Variants in NBEAL1 observed in about 807,000 individuals in gnomAD.
NBEAL1 encodes the protein neurobeachin-like protein 1.
In NBEAL1, 273 loss-of-function variants were observed where a neutral mutation model predicts 351.3. The ratio of observed to expected loss-of-function variants is 0.78; its 90% confidence interval spans 0.70 to 0.86. The LOEUF (loss-of-function observed/expected upper bound fraction) is 0.86. Ranked by LOEUF, NBEAL1 falls within the 40% of genes least tolerant of loss-of-function variation. NBEAL1 has a pLI of 0.00. For missense variants in NBEAL1, 2,961 were observed against 3,201.3 expected, an observed-to-expected ratio of 0.92 and a Z score of 1.81; for synonymous variants, 1,050 against 1,086.4, an observed-to-expected ratio of 0.97 and a Z score of 0.66.
chr2:203,126,197 CTTGAA>C (rs2062933527), intron 21 of NBEAL1, 104 bp downstream of exon 21: 1 of 1,178,204 alleles, frequency 8.5e-7, no homozygotes, highest in East Asian at 2.7e-5. Flanking sequence ...ATTATTACAA[CTTGAA>C]TTATATTAAT....
intron 11 of NBEAL1, among the ~76,000 whole-genome samples, chr2:203,097,996 T>C (rs2062220440): frequency 6.6e-6 from 1 of 152,194 alleles, no homozygotes; most frequent in African/African-American, 2.4e-5. Flanking sequence ...TGAATATGTA[T>C]GGTCATTGTT....
chr2:203,161,590 C>T (rs1219443531), intron 36 of NBEAL1, among the ~76,000 whole-genome samples: 2 of 151,656 alleles, frequency 1.3e-5, no homozygotes, highest in African/African-American at 4.8e-5. Flanking sequence ...GATCACTCCA[C>T]TGCACTCCAG....
intron 33 of NBEAL1, among the ~76,000 whole-genome samples, chr2:203,146,467 G>A (rs1297662896): frequency 6.6e-6 from 1 of 152,038 alleles, no homozygotes; most frequent in African/African-American, 2.4e-5. Context: ...CAGGAACATA[G>A]CTACAAAACA....
Position 203,209,259 on chromosome 2 carries a change from G to T in NBEAL1, c.7722G>T (p.Leu2574Phe). The T allele has an allele frequency of 6.2e-7, 1 of 1,613,800 alleles. No homozygotes were observed. Among genetic ancestry groups the T allele is most frequent in the Admixed American group, 1.7e-5 (1 of 60,002 alleles). ...ESSLFLTIPN[L>F]AISWEGHIVV... Reference sequence around the variant, plus strand: ...CTCTGTTCCTGACCATTCCTAATTTGGCTATATCTTGGGAAGGACATATTG... The same window carrying T: ...CTCTGTTCCTGACCATTCCTAATTTTGCTATATCTTGGGAAGGACATATTG... The change falls in exon 53 of 56, where the codon TTG becomes TTT. Residue 2574 changes from leucine to phenylalanine, a missense_variant. Coordinates refer to ENST00000683969, the MANE Select transcript of NBEAL1 (RefSeq NM_001378026.1).
chr2:203,083,137 A>G, intron 8 of NBEAL1, 82 bp from the exon 9 acceptor site: 10 of 1,208,278 alleles, frequency 8.3e-6, no homozygotes, highest in South Asian at 1.6e-5. Context: ...GGTTGCCTGC[A>G]GATGTATTAA....
Position 203,015,756 on chromosome 2 carries a change from G to T in NBEAL1, c.-229-400G>T, listed in dbSNP as rs189060273. ...TGGGATTACAGGCGTGAGCCACCGCGCCTGGCCCCAACAACTTTGAAGAGG... is the reference window on the plus strand; with the variant it reads ...TGGGATTACAGGCGTGAGCCACCGCTCCTGGCCCCAACAACTTTGAAGAGG... On this transcript the variant is annotated intron_variant, in intron 1 of 55. Coordinates refer to ENST00000683969, the MANE Select transcript of NBEAL1 (RefSeq NM_001378026.1). The T allele has an allele frequency of 2.4e-3, 362 of 152,858 alleles. 2 individuals are homozygous for T. The highest frequency in any genetic ancestry group is 0.011 in the South Asian group (55 of 4,834). 9.5% of individuals were successfully genotyped at this position (152,858 alleles called of 1,614,324 possible). A position where few individuals can be genotyped will look rare whatever the true frequency, so the allele number is the denominator to read the frequency against.
At chr2:203,133,646 A>G (rs1183397862) in intron 27 of NBEAL1, among the ~76,000 whole-genome samples, 3 of 150,974 alleles carry the variant, frequency 2.0e-5, no homozygotes, top group East Asian at 3.9e-4. Context: ...TGACCTATTT[A>G]ATTTGCTTCC....
At chr2:203,023,467 T>G (rs931166274) in intron 2 of NBEAL1, among the ~76,000 whole-genome samples, 1 of 152,238 alleles carries the variant, frequency 6.6e-6, no homozygotes, top group Non-Finnish European at 1.5e-5. Flanking sequence ...GTTGTTAAGA[T>G]GCATTAACTT....
At chr2:203,068,320 T>C in intron 6 of NBEAL1, 73 bp from the exon 7 acceptor site, 1 of 666,186 alleles carries the variant, frequency 1.5e-6, no homozygotes, top group Non-Finnish European at 2.5e-6. Context: ...ATTTGTTTTA[T>C]AATTGTTTTT....
At chr2:203,145,797 C>CAAAAAAAAAAAAAAAAAAAA (rs56382460) in intron 33 of NBEAL1, among the ~76,000 whole-genome samples, 2 of 86,138 alleles carry the variant, frequency 2.3e-5, no homozygotes, top group African/African-American at 4.5e-5. Context: ...GACTCCATCT[C>CAAAAAAAAAAAAAAAAAAAA]AAAAAAAAAA....
chr2:203,201,470 G>A lies in NBEAL1; in HGVS notation c.7239-73G>A, dbSNP rs570790023. 6.7e-4 allele frequency: 826 copies of A among 1,235,216 alleles called. 2 individuals carry two copies. The highest frequency in any genetic ancestry group is 1.0e-3 in the Middle Eastern group (5 of 4,796). The allele number at this position is 1,235,216 out of a possible 1,614,324, so 76.5% of individuals were successfully genotyped here. A position where few individuals can be genotyped will look rare whatever the true frequency, so the allele number is the denominator to read the frequency against. On this transcript the variant is annotated intron_variant, in intron 49 of 55. Coordinates refer to ENST00000683969, the MANE Select transcript of NBEAL1 (RefSeq NM_001378026.1). ...AATTTTTTATTTCTTTTTTAGAGAGGTTTAAAAAGAATAGTTCACATCAGT... is the reference window on the plus strand; with the variant it reads ...AATTTTTTATTTCTTTTTTAGAGAGATTTAAAAAGAATAGTTCACATCAGT...
chr2:203,042,014 G>A (rs2061150214), intron 3 of NBEAL1, among the ~76,000 whole-genome samples, 158 bp downstream of exon 3: 1 of 152,142 alleles, frequency 6.6e-6, no homozygotes, highest in Non-Finnish European at 1.5e-5. Flanking sequence ...GATGACAATA[G>A]TCTTTCTTGA....
chr2:203,206,812 C>G (rs578112017), intron 51 of NBEAL1, among the ~76,000 whole-genome samples: 1 of 151,484 alleles, frequency 6.6e-6, no homozygotes, highest in South Asian at 2.1e-4. Flanking sequence ...CCCAAAGTGC[C>G]GAGATTGCAG....
intron 3 of NBEAL1, among the ~76,000 whole-genome samples, chr2:203,042,961 G>C (rs2061168086): frequency 6.6e-6 from 1 of 152,114 alleles, no homozygotes; most frequent in Non-Finnish European, 1.5e-5. Context: ...CATTTGCATA[G>C]ACTCAGGTGT....
intron 35 of NBEAL1, among the ~76,000 whole-genome samples, chr2:203,154,398 G>A (rs553294292): frequency 6.6e-6 from 1 of 152,216 alleles, no homozygotes; most frequent in African/African-American, 2.4e-5. Flanking sequence ...ACTGCAAAAT[G>A]TTTTGCCTAC....
intron 38 of NBEAL1, among the ~76,000 whole-genome samples, chr2:203,169,272 T>G (rs1477089852): frequency 6.6e-6 from 1 of 150,950 alleles, no homozygotes; most frequent in Admixed American, 6.7e-5. Context: ...TGTCAGGGAA[T>G]GGGAAGGAGG....
intron 25 of NBEAL1, 61 bp from the exon 26 acceptor site, chr2:203,131,912 T>G (rs9677190): frequency 0.29 from 344,574 of 1,190,492 alleles, 55,055 homozygotes; most frequent in East Asian, 0.66. Context: ...ACATTTTTAA[T>G]GTTAAATGAC....
At chr2:203,019,481 T>C (rs1180952627) in intron 2 of NBEAL1, among the ~76,000 whole-genome samples, 3 of 152,246 alleles carry the variant, frequency 2.0e-5, no homozygotes, top group Non-Finnish European at 2.9e-5. Context: ...TTAAAGTGTC[T>C]GCTGTTTTGT....
At position 203,107,701 on chromosome 2, in the gene NBEAL1, T is replaced by TC. The variant is rs2062467755; in HGVS notation, c.1465dup (p.His489ProfsTer2). The TC allele has an allele frequency of 1.9e-6, 3 of 1,553,174 alleles. No individual in the cohort carries two copies. The Admixed American group carries it at 5.9e-5, about 30-fold the overall frequency. ...TATCCAGTGGCTTCCAGAACTACAA[T>TC]CCCATGACCTGCAAATCTTCATCTC... On this transcript the variant is annotated frameshift_variant, in exon 14 of 56. Transcript: ENST00000683969. LOFTEE classifies it high-confidence loss of function.
Sources: allele counts gnomAD v4.1 joint callset (sites outside exome capture counted in the v4.1 genomes callset), GRCh38; gene constraint gnomAD v4.1.1; transcripts MANE v1.5; gene names NCBI Gene and HGNC (gene_info 2026-07-23, HGNC 2026-07-21).